The following STX17 variants were observed in gnomAD, a reference collection of about 807,000 sequenced individuals.
STX17 encodes syntaxin 17, also known as syntaxin-17.
STX17 carries 29 observed loss-of-function variants against 35.9 expected under a neutral mutation model. The observed-to-expected ratio is 0.81, with a 90% CI of 0.60 to 1.10. STX17 has a LOEUF of 1.10. Among genes scored for constraint, STX17 ranks in the 50% least tolerant of loss-of-function variants. STX17 has a pLI of 0.00. For missense variants in STX17, 312 were observed against 352.3 expected, an observed-to-expected ratio of 0.89 and a Z score of 0.92; for synonymous variants, 92 against 118.3, an observed-to-expected ratio of 0.78 and a Z score of 1.44.
chr9:99,939,923 C>G (rs1829315919), intron 3 of STX17, among the ~76,000 whole-genome samples: 1 of 152,186 alleles, frequency 6.6e-6, no homozygotes, highest in Non-Finnish European at 1.5e-5. Context: ...CTTGTTCTTA[C>G]TCTACATGTA....
intron 2 of STX17, among the ~76,000 whole-genome samples, chr9:99,926,341 A>T (rs1329176185): frequency 6.6e-6 from 1 of 151,894 alleles, no homozygotes; most frequent in Non-Finnish European, 1.5e-5. Context: ...ATTGCAGATC[A>T]TGTTATTCTG....
chr9:99,910,130 G>T (rs1423650919), intron 1 of STX17, among the ~76,000 whole-genome samples: 1 of 152,074 alleles, frequency 6.6e-6, no homozygotes, highest in African/African-American at 2.4e-5. Flanking sequence ...CTACTTGGGA[G>T]GCTGAGGCAG....
In STX17 at chr9:99,917,473, G is replaced by A. The variant is rs182341907; in HGVS notation, c.123+2111G>A. Among the ~76,000 whole-genome samples, 342 of 152,224 alleles carry A rather than the reference G, an allele frequency of 2.2e-3. 1 individual carries two copies. Among genetic ancestry groups the A allele is most frequent in the Non-Finnish European group, 4.1e-3 (277 of 68,020 alleles). On this transcript the variant is annotated intron_variant, in intron 2 of 7. Coordinates refer to ENST00000259400, the MANE Select transcript of STX17 (RefSeq NM_017919.3). ...GAAAGATAAAATATTTATTATGCTG[G>A]ACATCAGTCATCCAATATGAATTTA... is the stretch of plus-strand genomic sequence containing the variant.
At chr9:99,968,289 T>C (rs1829956927) in intron 7 of STX17, 145 bp from the exon 8 acceptor site, 1 of 1,003,712 alleles carries the variant, frequency 1.0e-6, no homozygotes, top group Non-Finnish European at 1.4e-6. Context: ...TACTTTCTTT[T>C]CCCCCCTACA....
intron 3 of STX17, among the ~76,000 whole-genome samples, chr9:99,945,445 G>C (rs1208760494): frequency 6.6e-6 from 1 of 152,086 alleles, no homozygotes; most frequent in African/African-American, 2.4e-5. Context: ...TAGGGTTAAA[G>C]TGGTTTATCT....
chr9:99,958,043 T>G (rs182658456), intron 4 of STX17, among the ~76,000 whole-genome samples: 1 of 152,312 alleles, frequency 6.6e-6, no homozygotes, highest in East Asian at 1.9e-4. Context: ...ATTGATCTTT[T>G]GTGAAAAGCA....
chr9:99,956,032 G>T (rs1564072869), intron 4 of STX17, among the ~76,000 whole-genome samples: 1 of 152,118 alleles, frequency 6.6e-6, no homozygotes, highest in Non-Finnish European at 1.5e-5. Context: ...TTGTAGAAAT[G>T]AAAAGATTTG....
In STX17 at chr9:99,933,220, G is replaced by T. The variant is rs187330110; in HGVS notation, c.189+4377G>T. ...TGTGGTGCTACTTCTGAAGCACATT[G>T]TAATTCCAAAGATGCATGTAACTCC... On this transcript the variant is annotated intron_variant, in intron 3 of 7. Transcript: ENST00000259400. Among the ~76,000 whole-genome samples the T allele has an allele frequency of 4.6e-5, 7 of 152,220 alleles. No homozygotes were observed. The East Asian group carries it at 1.2e-3, about 25-fold the overall frequency.
At position 99,908,974 on chromosome 9, in the gene STX17, C is replaced by T. The variant is rs180786789; in HGVS notation, c.-63+2268C>T. ...CCACAGGGTTCATTCTAGTTTTGTC[C>T]CTTATTTTTAACTTTTTATCTGACA... On this transcript the variant is annotated intron_variant, in intron 1 of 7. Coordinates refer to ENST00000259400, the MANE Select transcript of STX17 (RefSeq NM_017919.3). 2.0e-4 allele frequency among the ~76,000 whole-genome samples: 31 copies of T among 152,288 alleles called. No homozygotes were observed. In the South Asian group the frequency reaches 3.3e-3, roughly 16 times the overall value.
At chr9:99,919,222 G>GC (rs143376777) in intron 2 of STX17, among the ~76,000 whole-genome samples, 2,166 of 152,176 alleles carry the variant, frequency 0.014, 19 homozygotes, top group Non-Finnish European at 0.022. Context: ...TTTGCTTTTT[G>GC]CCCCACCATG....
At chr9:99,914,751 CT>C (rs1303313302) in intron 1 of STX17, among the ~76,000 whole-genome samples, 2 of 152,096 alleles carry the variant, frequency 1.3e-5, no homozygotes, top group Non-Finnish European at 2.9e-5. Context: ...CATTTGATAC[CT>C]TTTTTAAAAA....
chr9:99,921,807 C>T (rs1342815082), intron 2 of STX17, among the ~76,000 whole-genome samples: 1 of 152,018 alleles, frequency 6.6e-6, no homozygotes, highest in East Asian at 1.9e-4. Context: ...TTGGTTCTCT[C>T]GAGTGTAATT....
At chr9:99,936,156 T>A (rs1693440315) in intron 3 of STX17, among the ~76,000 whole-genome samples, 1 of 152,234 alleles carries the variant, frequency 6.6e-6, no homozygotes, top group Non-Finnish European at 1.5e-5. Context: ...TGGCTATTAC[T>A]AATAAAGCTG....
intron 3 of STX17, chr9:99,929,995 C>T (rs1047668979): frequency 4.0e-5 from 6 of 148,272 alleles, no homozygotes; most frequent in Non-Finnish European, 8.9e-5. Flanking sequence ...TCACTGCAAC[C>T]TCCACCTCCC....
rs952743647 is a variant in STX17, at chr9:99,960,529, C to T, written c.582+374C>T. ...CACAGTCTTGGCTCACTGCAACCTC[C>T]GCCTCCCAGATTCAAGCGATTTGCC... On this transcript the variant is annotated intron_variant, in intron 6 of 7. Transcript: ENST00000259400. 3.3e-5 allele frequency among the ~76,000 whole-genome samples: 5 copies of T among 152,058 alleles called. No individual in the cohort carries two copies. The East Asian group carries it at 7.7e-4, about 23-fold the overall frequency.
intron 3 of STX17, among the ~76,000 whole-genome samples, chr9:99,939,125 A>T (rs1429893131): frequency 6.6e-6 from 1 of 152,208 alleles, no homozygotes; most frequent in Admixed American, 6.5e-5. Context: ...TTAATTTTTA[A>T]AAAGGGGGAT....
intron 2 of STX17, among the ~76,000 whole-genome samples, chr9:99,921,798 T>C (rs900123905): frequency 4.6e-5 from 7 of 152,136 alleles, no homozygotes; most frequent in Admixed American, 3.9e-4. Flanking sequence ...CAAGGTCTTT[T>C]GGTTCTCTCG....
At position 99,973,584 on chromosome 9, in the gene STX17, C is replaced by G. The variant is rs981574771; in HGVS notation, c.*4911C>G. On this transcript the variant is annotated 3_prime_UTR_variant, in exon 8 of 8. Transcript: ENST00000259400. ...CTTGACTCCATTCCTTATATCAAGA[C>G]TTGTCCTGTCAATTCTCCCTTAAAT... 6.6e-6 allele frequency among the ~76,000 whole-genome samples: 1 copy of G among 152,156 alleles called. No homozygotes were observed. The highest frequency in any genetic ancestry group is 1.5e-5 in the Non-Finnish European group (1 of 68,018).
At chr9:99,922,041 A>G (rs529377333) in intron 2 of STX17, among the ~76,000 whole-genome samples, 6 of 152,276 alleles carry the variant, frequency 3.9e-5, no homozygotes, top group African/African-American at 1.2e-4. Context: ...CCTTTCAGAC[A>G]CTGTTTATTG....
Sources: allele counts gnomAD v4.1 joint callset (sites outside exome capture counted in the v4.1 genomes callset), GRCh38; gene constraint gnomAD v4.1.1; transcripts MANE v1.5; gene names NCBI Gene and HGNC (gene_info 2026-07-23, HGNC 2026-07-21).